The following RAB3B variants were observed in gnomAD, a reference collection of about 807,000 sequenced individuals.
RAB3B encodes the protein RAB3B, member RAS oncogene family, also known as ras-related protein Rab-3B.
A neutral mutation model predicts 20.5 loss-of-function variants in RAB3B; 11 were observed. The observed-to-expected ratio is 0.54, with a 90% CI of 0.34 to 0.89. RAB3B has a LOEUF of 0.89. Ranked by LOEUF, RAB3B falls within the 40% of genes least tolerant of loss-of-function variation. The pLI is 0.02. For synonymous variants in RAB3B, 99 were observed against 106.3 expected, an observed-to-expected ratio of 0.93 and a Z score of 0.42; for missense variants, 225 against 280.9, an observed-to-expected ratio of 0.80 and a Z score of 1.42.
chr1:51,918,691 T>C lies in RAB3B; in HGVS notation c.*1236A>G, dbSNP rs1230173745. ...GATTGTTAGGCTTGACAGTCACTTG[T>C]CAGAAAAAGGAAGGTTAGAACTGAC... is the stretch of plus-strand genomic sequence containing the variant. On this transcript the variant is annotated 3_prime_UTR_variant, in exon 5 of 5. Transcript: ENST00000371655. The C allele has an allele frequency of 6.6e-6, 1 of 152,234 alleles. No homozygotes were observed. Among genetic ancestry groups the C allele is most frequent in the Non-Finnish European group, 1.5e-5 (1 of 68,040 alleles). The allele number at this position is 152,234 out of a possible 1,614,324, so 9.4% of individuals were successfully genotyped here.
chr1:51,940,002 A>T (rs916195361), intron 2 of RAB3B, among the ~76,000 whole-genome samples: 2 of 152,260 alleles, frequency 1.3e-5, no homozygotes, highest in African/African-American at 4.8e-5. Flanking sequence ...ATAAGGAGAA[A>T]AATAATTTCA....
chr1:51,917,174 A>G lies in RAB3B; in HGVS notation c.*2753T>C, dbSNP rs977099376. The G allele has an allele frequency of 6.6e-6, 1 of 152,188 alleles. No individual in the cohort carries two copies. Among genetic ancestry groups the G allele is most frequent in the African/African-American group, 2.4e-5 (1 of 41,448 alleles). 9.4% of individuals were successfully genotyped at this position (152,188 alleles called of 1,614,324 possible). On this transcript the variant is annotated 3_prime_UTR_variant, in exon 5 of 5. Coordinates refer to ENST00000371655, the MANE Select transcript of RAB3B (RefSeq NM_002867.4). ...TCCCTCACAAGATGTTGGGAAGATA[A>G]ATGAGTTAATGCACGTAAAATGCTT...
At chr1:51,957,114 TG>T (rs1684717591) in intron 2 of RAB3B, among the ~76,000 whole-genome samples, 1 of 152,350 alleles carries the variant, frequency 6.6e-6, no homozygotes, top group Admixed American at 6.5e-5. Flanking sequence ...AATGAACTGC[TG>T]GGAGATAATC....
chr1:51,940,423 G>A (rs1419675126), intron 2 of RAB3B, among the ~76,000 whole-genome samples: 1 of 152,182 alleles, frequency 6.6e-6, no homozygotes, highest in African/African-American at 2.4e-5. Flanking sequence ...AGGAGTTTGA[G>A]GCCAGCCTGG....
At chr1:51,941,375 C>T (rs188019052) in intron 2 of RAB3B, among the ~76,000 whole-genome samples, 1 of 152,240 alleles carries the variant, frequency 6.6e-6, no homozygotes, top group Admixed American at 6.5e-5. Flanking sequence ...AGAAAGATCA[C>T]TCTAACAATG....
At chr1:51,967,911 T>C (rs1161529240) in intron 2 of RAB3B, among the ~76,000 whole-genome samples, 3 of 152,298 alleles carry the variant, frequency 2.0e-5, no homozygotes, top group South Asian at 2.1e-4. Context: ...TTACCTTACA[T>C]GGCAAAAGGG....
rs768588083 is a variant in RAB3B, at chr1:51,914,656, C to T, written c.*5271G>A. On this transcript the variant is annotated 3_prime_UTR_variant, in exon 5 of 5. Transcript: ENST00000371655. Reference sequence around the variant, plus strand: ...ATCATTTAACAGTATTTATATCTCACGGACTAGTGTTTTGCATTTACTTCC... The same window carrying T: ...ATCATTTAACAGTATTTATATCTCATGGACTAGTGTTTTGCATTTACTTCC... The T allele has an allele frequency of 3.3e-5, 5 of 152,122 alleles. No individual in the cohort carries two copies. The highest frequency in any genetic ancestry group is 7.2e-5 in the African/African-American group (3 of 41,410). The allele number at this position is 152,122 out of a possible 1,614,324, so 9.4% of individuals were successfully genotyped here.
At position 51,933,366 on chromosome 1, in the gene RAB3B, C is replaced by T. The variant is rs1176379921; in HGVS notation, c.424G>A (p.Glu142Lys). ...CCCTTCTCAGTGGGAACAACCCTCT[C>T]TTCCTCCATGTCACACTTGTTCCCC... ...LVGNKCDMEEERVVPTEKGQL... is the reference protein window; with the variant it reads ...LVGNKCDMEEKRVVPTEKGQL... The change falls in exon 4 of 5, where the codon GAG (glutamate) becomes AAG (lysine). Residue 142 changes from glutamate to lysine, a missense_variant. Glu to Lys is a moderately conservative substitution (Grantham distance 56). Coordinates refer to ENST00000371655, the MANE Select transcript of RAB3B (RefSeq NM_002867.4). 1 of 1,614,110 alleles carries T rather than the reference C, an allele frequency of 6.2e-7. No individual in the cohort carries two copies. The highest frequency in any genetic ancestry group is 2.2e-5 in the East Asian group (1 of 44,886).
intron 1 of RAB3B, among the ~76,000 whole-genome samples, chr1:51,980,127 T>A (rs1167722474): frequency 6.6e-6 from 1 of 151,532 alleles, no homozygotes; most frequent in Non-Finnish European, 1.5e-5. Context: ...TATTTTTTCA[T>A]ACAAAAGAGT....
At chr1:51,931,445 A>G (rs1281754710) in intron 4 of RAB3B, among the ~76,000 whole-genome samples, 2 of 152,224 alleles carry the variant, frequency 1.3e-5, no homozygotes, top group South Asian at 2.1e-4. Flanking sequence ...AGACCAGGAA[A>G]TGTAGCCTAT....
At chr1:51,986,427 G>C (rs1685152821) in intron 1 of RAB3B, among the ~76,000 whole-genome samples, 3 of 152,064 alleles carry the variant, frequency 2.0e-5, no homozygotes, top group Admixed American at 2.0e-4. Context: ...TGGGATTACA[G>C]GCGTGAGCCA....
chr1:51,974,369 T>C (rs1486911290), intron 2 of RAB3B, among the ~76,000 whole-genome samples: 1 of 152,200 alleles, frequency 6.6e-6, no homozygotes, highest in African/African-American at 2.4e-5. Context: ...ATAGCACAGA[T>C]GGTTGTCACT....
chr1:51,977,152 C>T (rs752225987), intron 1 of RAB3B, 35 bp from the exon 2 acceptor site: 6 of 1,544,014 alleles, frequency 3.9e-6, no homozygotes, highest in South Asian at 1.1e-5. Context: ...CAGGAACAGA[C>T]CTTCGGTGTC....
intron 1 of RAB3B, among the ~76,000 whole-genome samples, chr1:51,987,158 G>C (rs921759807): frequency 6.6e-6 from 1 of 152,198 alleles, no homozygotes; most frequent in Non-Finnish European, 1.5e-5. Context: ...ACCTAAGGAA[G>C]AAGCCAACTT....
At chr1:51,944,739 C>T (rs186919542) in intron 2 of RAB3B, among the ~76,000 whole-genome samples, 214 of 152,248 alleles carry the variant, frequency 1.4e-3, no homozygotes, top group African/African-American at 5.0e-3. Flanking sequence ...AAAACTTGAA[C>T]GGATGCAGTT....
In RAB3B at chr1:51,919,967, G is replaced by A. The variant is rs772510488; in HGVS notation, c.620C>T (p.Ser207Leu). 31 of 1,613,878 alleles carry A rather than the reference G, an allele frequency of 1.9e-5. No homozygotes were observed. Among genetic ancestry groups the A allele is most frequent in the East Asian group, 8.9e-5 (4 of 44,890 alleles). Residue 207 changes from serine (S) to leucine (L), a missense_variant, in exon 5 of 5, where the codon TCG becomes TTG. Coordinates refer to ENST00000371655, the MANE Select transcript of RAB3B (RefSeq NM_002867.4). ...MLGSSKNTRL[S>L]DTPPLLQQNC... ...CTGCTGCAGCAGCGGTGGGGTGTCC[G>A]AGAGACGCGTGTTCTTGGAGGAGCC...
intron 1 of RAB3B, among the ~76,000 whole-genome samples, chr1:51,988,709 C>T (rs186541100): frequency 1.3e-5 from 2 of 152,252 alleles, no homozygotes; most frequent in African/African-American, 4.8e-5. Context: ...TGCACCAGGA[C>T]CTGTGCTATA....
chr1:51,914,820 A>C lies in RAB3B; in HGVS notation c.*5107T>G, dbSNP rs1391536654. Reference sequence around the variant, plus strand: ...CCTTCCCCTAAACTGTTGGCAAACAAAGTCAAACAAACATTCCTCAGGATA... The same window carrying C: ...CCTTCCCCTAAACTGTTGGCAAACACAGTCAAACAAACATTCCTCAGGATA... On this transcript the variant is annotated 3_prime_UTR_variant, in exon 5 of 5. Transcript: ENST00000371655. 6.6e-6 allele frequency: 1 copy of C among 152,166 alleles called. No homozygotes were observed. The highest frequency in any genetic ancestry group is 1.5e-5 in the Non-Finnish European group (1 of 68,030). The allele number at this position is 152,166 out of a possible 1,614,324, so 9.4% of individuals were successfully genotyped here.
At chr1:51,933,489 G>A (rs749594726) in intron 3 of RAB3B, 47 bp from the exon 4 acceptor site, 1 of 1,543,132 alleles carries the variant, frequency 6.5e-7, no homozygotes, top group East Asian at 2.3e-5. Flanking sequence ...CCTATAGACT[G>A]AATGTCTGTG....
Sources: allele counts gnomAD v4.1 joint callset (sites outside exome capture counted in the v4.1 genomes callset), GRCh38; gene constraint gnomAD v4.1.1; transcripts MANE v1.5; gene names NCBI Gene and HGNC (gene_info 2026-07-23, HGNC 2026-07-21).